Variants in DOCK10 observed in about 807,000 individuals in gnomAD.
DOCK10 encodes the protein dedicator of cytokinesis 10.
Under a neutral mutation model 280.1 loss-of-function variants are expected in DOCK10, and 145 were observed. The observed-to-expected ratio is 0.52, with a 90% CI of 0.45 to 0.59. The LOEUF (loss-of-function observed/expected upper bound fraction) is 0.59. Among genes scored for constraint, DOCK10 ranks in the 20% least tolerant of loss-of-function variants. The probability of loss-of-function intolerance (pLI) is 0.00; values close to 1 mark genes in which losing one functional copy is unlikely to be tolerated. For missense variants in DOCK10, 2,368 were observed against 2,651.7 expected (o/e 0.89, Z 2.35); for synonymous variants, 915 against 942.2 (o/e 0.97, Z 0.53).
intron 14 of DOCK10, among the ~76,000 whole-genome samples, chr2:224,858,396 C>T (rs1373670611): frequency 1.3e-5 from 2 of 151,924 alleles, no homozygotes; most frequent in African/African-American, 4.8e-5. Flanking sequence ...CGGTGGCTCA[C>T]GCCTGTAATC....
At chr2:224,913,221 G>A (rs1282861116) in intron 3 of DOCK10, among the ~76,000 whole-genome samples, 1 of 152,098 alleles carries the variant, frequency 6.6e-6, no homozygotes, top group East Asian at 1.9e-4. Context: ...ACAGATGTGA[G>A]TATTTCAAAC....
At chr2:224,795,345 G>A (rs1574834738) in intron 44 of DOCK10, among the ~76,000 whole-genome samples, 1 of 152,254 alleles carries the variant, frequency 6.6e-6, no homozygotes, top group East Asian at 1.9e-4. Context: ...CGTCCTGATT[G>A]TCTTTGAGAT....
rs976384934 is a variant in DOCK10, at chr2:224,972,145, T to G, written c.124-40477A>C. Among the ~76,000 whole-genome samples the G allele has an allele frequency of 2.0e-5, 3 of 152,206 alleles. No homozygotes were observed. The East Asian group carries it at 5.8e-4, about 29-fold the overall frequency. On this transcript the variant is annotated intron_variant, in intron 1 of 55. Transcript: ENST00000258390. ...GACTGTGGCAACAAATAAAGAATAC[T>G]GTGCAAAGTTTGTAGCAAAGTGACT...
chr2:224,833,573 A>G (rs1339719885), intron 26 of DOCK10, among the ~76,000 whole-genome samples: 1 of 151,640 alleles, frequency 6.6e-6, no homozygotes, highest in East Asian at 1.9e-4. Context: ...CTGCACCTTC[A>G]GCACTCACAA....
intron 11 of DOCK10, among the ~76,000 whole-genome samples, chr2:224,872,504 A>C (rs1180937092): frequency 6.6e-6 from 1 of 152,072 alleles, no homozygotes. Context: ...AGAGGTCCAC[A>C]GCATGGACCT....
Position 224,807,783 on chromosome 2 carries a change from C to G in DOCK10, c.3587G>C (p.Arg1196Thr). The change falls in exon 33 of 56, where the codon AGA becomes ACA. Residue 1196 changes from arginine (R) to threonine (T), a missense_variant and splice_region_variant. Around this residue, in one of 2 missense-constraint regions of DOCK10, gnomAD observed 1,159 missense variants for 1,400.8 expected, o/e 0.83. Transcript: ENST00000258390. The stretch of plus-strand genomic sequence containing the variant: ...TAAACTTGCTATCTGGGCCTGCTTT[C>G]TCTAGGAGAAAAGGTAGCCAAAAGA... ...HSFDDRYREPRKQAQIASLYM... is the reference protein window; with the variant it reads ...HSFDDRYREPTKQAQIASLYM... 6.4e-7 allele frequency: 1 copy of G among 1,566,260 alleles called. No individual in the cohort carries two copies. Among genetic ancestry groups the G allele is most frequent in the Non-Finnish European group, 8.7e-7 (1 of 1,154,734 alleles).
chr2:224,881,550 CTG>C (rs1440887637), intron 7 of DOCK10, among the ~76,000 whole-genome samples: 1 of 152,132 alleles, frequency 6.6e-6, no homozygotes, highest in East Asian at 1.9e-4. Context: ...GGGCATCTGT[CTG>C]TAATTTTGGA....
chr2:224,837,737 G>T (rs755351529), intron 25 of DOCK10, 25 bp downstream of exon 25: 2 of 1,600,590 alleles, frequency 1.2e-6, no homozygotes, highest in Non-Finnish European at 8.6e-7. Context: ...GGGGATATGA[G>T]CAATTTCCAA....
intron 7 of DOCK10, among the ~76,000 whole-genome samples, chr2:224,884,161 T>G (rs1699139498): frequency 1.3e-5 from 2 of 152,108 alleles, no homozygotes. Flanking sequence ...TGCAGCAGAG[T>G]GCTCAGAAAC....
At position 224,794,867 on chromosome 2, in the gene DOCK10, T is replaced by C; in HGVS notation, c.5154+12A>G. The C allele has an allele frequency of 6.2e-7, 1 of 1,612,806 alleles. No homozygotes were observed. Among genetic ancestry groups the C allele is most frequent in the Non-Finnish European group, 8.5e-7 (1 of 1,179,604 alleles). On this transcript the variant is annotated intron_variant, in intron 45 of 55. Transcript: ENST00000258390. ...AATACTGATGGTAAATGACCAAGCC[T>C]TGGCTAATCACCTCAGATAAATCTC...
At chr2:224,949,546 A>AGGCTT (rs1703611892) in intron 1 of DOCK10, among the ~76,000 whole-genome samples, 1 of 152,250 alleles carries the variant, frequency 6.6e-6, no homozygotes, top group Non-Finnish European at 1.5e-5. Context: ...TATAGAAAAG[A>AGGCTT]TATCTCTAAG....
intron 1 of DOCK10, among the ~76,000 whole-genome samples, chr2:225,018,843 GT>G (rs1689701701): frequency 7.0e-6 from 1 of 143,878 alleles, no homozygotes; most frequent in African/African-American, 2.7e-5. Flanking sequence ...ATATACATAT[GT>G]ATATCGTTAT....
At chr2:224,900,997 T>C (rs142669361) in intron 3 of DOCK10, among the ~76,000 whole-genome samples, 1,838 of 152,356 alleles carry the variant, frequency 0.012, 31 homozygotes, top group African/African-American at 0.041. Context: ...TTAGACTAGA[T>C]GACTCCTAAG....
At chr2:224,890,892 T>C (rs895798111) in intron 4 of DOCK10, among the ~76,000 whole-genome samples, 2 of 152,174 alleles carry the variant, frequency 1.3e-5, no homozygotes, top group African/African-American at 4.8e-5. Context: ...CACTTACAAT[T>C]TGCATGTTTT....
chr2:224,806,025 A>G, intron 34 of DOCK10, 101 bp downstream of exon 34: 1 of 665,864 alleles, frequency 1.5e-6, no homozygotes, highest in Non-Finnish European at 2.5e-6. Flanking sequence ...TGCCACGTAG[A>G]TTATGCATAA....
chr2:225,034,380 T>C (rs955825293), intron 1 of DOCK10, among the ~76,000 whole-genome samples: 1 of 152,200 alleles, frequency 6.6e-6, no homozygotes, highest in African/African-American at 2.4e-5. Context: ...ATGGTTGCTA[T>C]GAGGATTAGA....
At chr2:224,900,175 G>A (rs1475881275) in intron 3 of DOCK10, among the ~76,000 whole-genome samples, 1 of 152,006 alleles carries the variant, frequency 6.6e-6, no homozygotes, top group East Asian at 1.9e-4. Context: ...TATGCATGAT[G>A]TTCACAATAT....
intron 7 of DOCK10, among the ~76,000 whole-genome samples, chr2:224,879,216 G>T (rs528478376): frequency 1.3e-5 from 2 of 152,248 alleles, no homozygotes; most frequent in East Asian, 3.9e-4. Context: ...AAACATCTAG[G>T]CAGCTTCCTT....
In DOCK10 at chr2:224,875,814, G is replaced by A. The variant is rs1368122440; in HGVS notation, c.931+224C>T. Among the ~76,000 whole-genome samples the A allele has an allele frequency of 2.0e-5, 3 of 152,120 alleles. No individual in the cohort carries two copies. The East Asian group carries it at 5.8e-4, about 29-fold the overall frequency. ...AAATGATTCCCAACATCATTTGCTG[G>A]GGGAAAGCCTCAGATCGTTGCCAGT... On this transcript the variant is annotated intron_variant, in intron 8 of 55. Transcript: ENST00000258390.
Sources: allele counts gnomAD v4.1 joint callset (sites outside exome capture counted in the v4.1 genomes callset), GRCh38; gene constraint gnomAD v4.1.1; regional missense constraint gnomAD v4.1.1; transcripts MANE v1.5; gene names NCBI Gene and HGNC (gene_info 2026-07-23, HGNC 2026-07-21).